Variants in LSAMP observed in about 807,000 individuals in gnomAD.
The protein encoded by LSAMP is limbic system associated membrane protein, also known as limbic system-associated membrane protein.
Under a neutral mutation model 38.6 loss-of-function variants are expected in LSAMP, and 7 were observed. The ratio of observed to expected loss-of-function variants is 0.18; its 90% CI spans 0.10 to 0.34. The LOEUF (loss-of-function observed/expected upper bound fraction) is 0.34, where lower values mean the gene tolerates loss of function less well. Among genes scored for constraint, LSAMP ranks in the 10% least tolerant of loss-of-function variants. The probability of loss-of-function intolerance (pLI) is 1.00; values close to 1 mark genes in which losing one functional copy is unlikely to be tolerated. For synonymous variants in LSAMP, 154 were observed against 166.8 expected, an observed-to-expected ratio of 0.92 and a Z score of 0.59; for missense variants, 313 against 420.0, an observed-to-expected ratio of 0.75 and a Z score of 2.23.
intron 1 of LSAMP, among the ~76,000 whole-genome samples, chr3:116,103,002 A>AC (rs572830682): frequency 1.1e-3 from 174 of 151,424 alleles, no homozygotes; most frequent in Non-Finnish European, 1.5e-3. Context: ...AGTATTACCC[A>AC]CCCCCCCAAA....
At chr3:115,915,090 T>C (rs1026053571) in intron 3 of LSAMP, among the ~76,000 whole-genome samples, 1 of 152,228 alleles carries the variant, frequency 6.6e-6, no homozygotes, top group African/African-American at 2.4e-5. Flanking sequence ...GGATGTCCTC[T>C]TACCCTTTCC....
At chr3:116,114,365 G>A (rs16824437) in intron 1 of LSAMP, among the ~76,000 whole-genome samples, 9,758 of 152,216 alleles carry the variant, frequency 0.064, 1,018 homozygotes, top group African/African-American at 0.22. Context: ...AGTGTCCAGA[G>A]CAATCCTAGG....
intron 3 of LSAMP, among the ~76,000 whole-genome samples, chr3:115,874,429 C>A (rs759328261): frequency 6.6e-6 from 1 of 152,136 alleles, no homozygotes; most frequent in South Asian, 2.1e-4. Context: ...TTTGTTCATG[C>A]GGTGATTGTA....
At chr3:115,858,835 G>A (rs1019628644) in intron 3 of LSAMP, among the ~76,000 whole-genome samples, 1 of 152,172 alleles carries the variant, frequency 6.6e-6, no homozygotes, top group Non-Finnish European at 1.5e-5. Context: ...AAAAGATCAC[G>A]AATCAGTGAT....
chr3:116,310,864 A>G (rs889591473), intron 1 of LSAMP, among the ~76,000 whole-genome samples: 2 of 151,820 alleles, frequency 1.3e-5, no homozygotes, highest in African/African-American at 2.4e-5. Flanking sequence ...ATTGATAGTT[A>G]TAACTTAAAA....
At chr3:116,352,000 T>C (rs2048147286) in intron 1 of LSAMP, among the ~76,000 whole-genome samples, 1 of 152,090 alleles carries the variant, frequency 6.6e-6, no homozygotes, top group Non-Finnish European at 1.5e-5. Context: ...GAGGAAAGTT[T>C]AGTTAACCCT....
At chr3:116,209,081 G>C (rs1005875344) in intron 1 of LSAMP, among the ~76,000 whole-genome samples, 5 of 152,338 alleles carry the variant, frequency 3.3e-5, no homozygotes, top group Admixed American at 1.3e-4. Flanking sequence ...CTCTGAGCCA[G>C]GTGCGGGATA....
chr3:116,048,171 G>A (rs1044948515), intron 2 of LSAMP, among the ~76,000 whole-genome samples: 2 of 152,164 alleles, frequency 1.3e-5, no homozygotes, highest in African/African-American at 2.4e-5. Flanking sequence ...AATGGTAAAG[G>A]GATTTGTTGT....
At chr3:116,199,913 G>A (rs1187540715) in intron 1 of LSAMP, among the ~76,000 whole-genome samples, 2 of 152,048 alleles carry the variant, frequency 1.3e-5, no homozygotes. Context: ...ATATTGGGTG[G>A]CAGATCTTAT....
intron 3 of LSAMP, among the ~76,000 whole-genome samples, chr3:116,011,013 C>CT (rs1169726977): frequency 4.0e-5 from 6 of 150,482 alleles, no homozygotes; most frequent in Non-Finnish European, 8.8e-5. Context: ...ATAGTTTATG[C>CT]TTTTTTTTGA....
chr3:115,810,490 G>A, intron 6 of LSAMP, 76 bp from the exon 7 acceptor site: 1 of 968,952 alleles, frequency 1.0e-6, no homozygotes, highest in South Asian at 1.4e-5. Context: ...GACTGCTGAT[G>A]GTATCAGAGG....
chr3:115,833,731 G>A (rs181030590), intron 6 of LSAMP, among the ~76,000 whole-genome samples: 160 of 151,944 alleles, frequency 1.1e-3, no homozygotes, highest in African/African-American at 3.4e-3. Context: ...TTTTTTCCAC[G>A]CCAGGTCCCG....
chr3:115,982,497 G>T (rs1363857446), intron 3 of LSAMP, among the ~76,000 whole-genome samples: 2 of 152,150 alleles, frequency 1.3e-5, no homozygotes, highest in East Asian at 3.9e-4. Flanking sequence ...AATTGCCCAA[G>T]ATTCTTCTGG....
chr3:115,873,268 G>T (rs1216075157), intron 3 of LSAMP, among the ~76,000 whole-genome samples: 1 of 151,944 alleles, frequency 6.6e-6, no homozygotes, highest in East Asian at 1.9e-4. Context: ...TACTCAGGAG[G>T]CTAACTTGGG....
intron 3 of LSAMP, among the ~76,000 whole-genome samples, chr3:115,992,430 T>C (rs945036295): frequency 6.6e-6 from 1 of 152,074 alleles, no homozygotes; most frequent in Non-Finnish European, 1.5e-5. Flanking sequence ...TGAAGATACA[T>C]GTTTGGGCTC....
At chr3:115,970,671 G>A (rs1453796729) in intron 3 of LSAMP, among the ~76,000 whole-genome samples, 1 of 152,120 alleles carries the variant, frequency 6.6e-6, no homozygotes, top group Non-Finnish European at 1.5e-5. Context: ...GCATTTGAAT[G>A]TATATATCAC....
intron 3 of LSAMP, among the ~76,000 whole-genome samples, chr3:115,879,569 T>C (rs1936270280): frequency 6.6e-6 from 1 of 152,122 alleles, no homozygotes; most frequent in Non-Finnish European, 1.5e-5. Flanking sequence ...AGAAAACATA[T>C]CATTAGTGCC....
intron 3 of LSAMP, among the ~76,000 whole-genome samples, chr3:115,899,994 C>T (rs1309210307): frequency 6.6e-6 from 1 of 152,212 alleles, no homozygotes. Context: ...TACTATAATC[C>T]TTCATGTCCT....
intron 3 of LSAMP, among the ~76,000 whole-genome samples, chr3:115,986,916 A>G (rs1939525998): frequency 6.6e-6 from 1 of 152,156 alleles, no homozygotes; most frequent in Non-Finnish European, 1.5e-5. Context: ...TATGTGATGA[A>G]GAGGGGAGGA....
Sources: gnomAD v4.1 joint callset for allele counts (sites outside exome capture counted in the v4.1 genomes callset) on GRCh38, gnomAD v4.1.1 for gene constraint, MANE v1.5 for transcripts, NCBI Gene and HGNC (gene_info 2026-07-23, HGNC 2026-07-21) for gene names.